Variants in LYPD6 observed in about 807,000 individuals in gnomAD.
LYPD6 encodes LY6/PLAUR domain containing 6, also known as ly6/PLAUR domain-containing protein 6.
A neutral mutation model predicts 22.7 loss-of-function variants in LYPD6; 15 were observed. The ratio of observed to expected loss-of-function variants is 0.66; its 90% CI spans 0.44 to 1.02. The LOEUF (loss-of-function observed/expected upper bound fraction) is 1.02, where lower values mean the gene tolerates loss of function less well. LYPD6 is among the 50% of genes least tolerant of loss of function. The pLI is 0.00. For missense variants in LYPD6, 189 were observed against 208.4 expected, an observed-to-expected ratio of 0.91 and a Z score of 0.57; for synonymous variants, 72 against 77.5, an observed-to-expected ratio of 0.93 and a Z score of 0.37.
intron 1 of LYPD6, among the ~76,000 whole-genome samples, chr2:149,333,734 G>A (rs1038762575): frequency 4.6e-5 from 7 of 152,050 alleles, no homozygotes; most frequent in Non-Finnish European, 1.0e-4. Flanking sequence ...AAAATGCTTG[G>A]GATGGGACCT....
At chr2:149,412,629 G>A (rs1682876529) in intron 1 of LYPD6, among the ~76,000 whole-genome samples, 1 of 152,122 alleles carries the variant, frequency 6.6e-6, no homozygotes, top group South Asian at 2.1e-4. Context: ...ATCTAAGGGA[G>A]CTTTCTCACA....
At chr2:149,466,833 C>T (rs1681211444) in intron 3 of LYPD6, among the ~76,000 whole-genome samples, 1 of 147,802 alleles carries the variant, frequency 6.8e-6, no homozygotes, top group Non-Finnish European at 1.5e-5. Context: ...CTGGCAGCTG[C>T]TCTTAGCTGT....
chr2:149,377,216 T>A (rs2105083088), intron 1 of LYPD6, among the ~76,000 whole-genome samples: 1 of 151,508 alleles, frequency 6.6e-6, no homozygotes, highest in East Asian at 1.9e-4. Flanking sequence ...TTTTTTTTTC[T>A]TGGAAACATG....
At position 149,349,517 on chromosome 2, in the gene LYPD6, A is replaced by T. The variant is rs557477672; in HGVS notation, c.-72+18795A>T. ...GCAATATGAGGTAGTAAGGGAAAAC[A>T]CACCAAAGTCATGATGGGATTTTCT... On this transcript the variant is annotated intron_variant, in intron 1 of 4. Transcript: ENST00000334166. Among the ~76,000 whole-genome samples the T allele has an allele frequency of 7.9e-5, 12 of 152,360 alleles. No individual in the cohort carries two copies. The East Asian group carries it at 2.1e-3, about 27-fold the overall frequency.
intron 1 of LYPD6, among the ~76,000 whole-genome samples, chr2:149,431,103 G>A (rs1423755898): frequency 2.6e-5 from 4 of 152,008 alleles, no homozygotes; most frequent in Non-Finnish European, 4.4e-5. Flanking sequence ...GTAATTTAGA[G>A]CACAAATTAA....
At chr2:149,426,684 C>T (rs888141009) in intron 1 of LYPD6, among the ~76,000 whole-genome samples, 2 of 152,106 alleles carry the variant, frequency 1.3e-5, no homozygotes, top group Non-Finnish European at 1.5e-5. Context: ...GGGCTTCTCT[C>T]AACACAAAGC....
chr2:149,345,447 C>T (rs1253227171), intron 1 of LYPD6, among the ~76,000 whole-genome samples: 2 of 150,760 alleles, frequency 1.3e-5, no homozygotes, highest in African/African-American at 4.9e-5. Flanking sequence ...GCTGGGACTA[C>T]AGGCACCTGC....
chr2:149,440,997 G>A (rs138291382), intron 2 of LYPD6, among the ~76,000 whole-genome samples: 60 of 152,088 alleles, frequency 3.9e-4, no homozygotes, highest in African/African-American at 1.1e-3. Context: ...GAGCCACCGC[G>A]CCTGGCCTAT....
intron 1 of LYPD6, among the ~76,000 whole-genome samples, chr2:149,337,813 G>C (rs1472582104): frequency 6.6e-6 from 1 of 152,110 alleles, no homozygotes; most frequent in African/African-American, 2.4e-5. Flanking sequence ...GTAGACCCCA[G>C]TGTTTGTTGT....
intron 1 of LYPD6, among the ~76,000 whole-genome samples, chr2:149,402,743 A>C (rs992287526): frequency 1.3e-5 from 2 of 151,584 alleles, no homozygotes; most frequent in Non-Finnish European, 2.9e-5. Context: ...TTTTATTATA[A>C]TTATACTTTA....
chr2:149,360,067 T>C (rs972835845), intron 1 of LYPD6, among the ~76,000 whole-genome samples: 9 of 152,218 alleles, frequency 5.9e-5, no homozygotes, highest in Non-Finnish European at 1.3e-4. Context: ...AACTGAGAGT[T>C]CCTGCCCATT....
intron 1 of LYPD6, among the ~76,000 whole-genome samples, chr2:149,382,844 ATTCT>A (rs988393643): frequency 4.6e-5 from 7 of 152,138 alleles, no homozygotes; most frequent in Admixed American, 3.9e-4. Context: ...CTTTTCTAGA[ATTCT>A]TTAAGATAGA....
chr2:149,414,378 T>G (rs1161977620), intron 1 of LYPD6, among the ~76,000 whole-genome samples: 1 of 152,238 alleles, frequency 6.6e-6, no homozygotes, highest in African/African-American at 2.4e-5. Context: ...TTAAAATCTT[T>G]CTTTGGAAAT....
rs189233628 is a variant in LYPD6 at position 149,445,820 on chromosome 2, A to C, written c.119-3229A>C. On this transcript the variant is annotated intron_variant, in intron 2 of 4. Coordinates refer to ENST00000334166, the MANE Select transcript of LYPD6 (RefSeq NM_194317.5). ...TGTTCTACATTCTTAACATTCGTGT[A>C]TTCATTAAAGTAGCACTTTTAACTT... Among the ~76,000 whole-genome samples the C allele has an allele frequency of 1.4e-3, 220 of 152,322 alleles. 1 individual carries two copies. Among genetic ancestry groups the C allele is most frequent in the African/African-American group, 5.1e-3 (210 of 41,570 alleles).
intron 2 of LYPD6, among the ~76,000 whole-genome samples, chr2:149,448,554 C>A (rs574230413): frequency 6.6e-6 from 1 of 152,236 alleles, no homozygotes; most frequent in East Asian, 1.9e-4. Flanking sequence ...CCCCTACCCC[C>A]ACCTCTGCCA....
At chr2:149,383,096 G>A (rs1208031984) in intron 1 of LYPD6, among the ~76,000 whole-genome samples, 2 of 152,120 alleles carry the variant, frequency 1.3e-5, no homozygotes, top group Non-Finnish European at 2.9e-5. Context: ...ACTAAAGTGT[G>A]TAATTCAGTG....
intron 3 of LYPD6, among the ~76,000 whole-genome samples, chr2:149,462,492 G>A (rs1294339095): frequency 6.6e-6 from 1 of 151,048 alleles, no homozygotes; most frequent in Non-Finnish European, 1.5e-5. Flanking sequence ...TCTACAGATT[G>A]TTATATAGGT....
At chr2:149,443,544 C>A (rs1045251164) in intron 2 of LYPD6, among the ~76,000 whole-genome samples, 4 of 152,000 alleles carry the variant, frequency 2.6e-5, no homozygotes, top group Admixed American at 6.5e-5. Context: ...TCAAATTTTA[C>A]AAGCTATTTT....
chr2:149,468,549 C>G, intron 3 of LYPD6, 96 bp from the exon 4 acceptor site: 1 of 1,423,354 alleles, frequency 7.0e-7, no homozygotes, highest in Admixed American at 1.8e-5. Flanking sequence ...GCTATTAGCT[C>G]TTTTCTGGAA....
Sources: gnomAD v4.1 joint callset for allele counts (sites outside exome capture counted in the v4.1 genomes callset) on GRCh38, gnomAD v4.1.1 for gene constraint, MANE v1.5 for transcripts, NCBI Gene and HGNC (gene_info 2026-07-23, HGNC 2026-07-21) for gene names.